Variants in STXBP4 observed in about 807,000 individuals in gnomAD.
The protein encoded by STXBP4 is syntaxin-binding protein 4.
STXBP4 carries 55 observed loss-of-function variants against 76.1 expected under a neutral mutation model. The observed-to-expected ratio is 0.72, with a 90% CI of 0.58 to 0.91. STXBP4 has a LOEUF of 0.91. Among genes scored for constraint, STXBP4 ranks in the 40% least tolerant of loss-of-function variants. The probability of loss-of-function intolerance (pLI) is 0.00; values close to 1 mark genes in which losing one functional copy is unlikely to be tolerated. For synonymous variants in STXBP4, 201 were observed against 220.2 expected (o/e 0.91, Z 0.77); for missense variants, 618 against 636.9 (o/e 0.97, Z 0.32).
chr17:55,127,913 G>C (rs1317824996), intron 16 of STXBP4, among the ~76,000 whole-genome samples: 2 of 152,052 alleles, frequency 1.3e-5, no homozygotes, highest in African/African-American at 4.8e-5. Flanking sequence ...GTTTCATTAT[G>C]TATGTTCATT....
At chr17:55,158,269 A>G (rs764999834) in intron 17 of STXBP4, among the ~76,000 whole-genome samples, 22 of 152,192 alleles carry the variant, frequency 1.4e-4, no homozygotes, top group Non-Finnish European at 2.4e-4. Flanking sequence ...TCTCGGGAAC[A>G]TACTTTGGAA....
chr17:55,198,096 G>A, the STXBP4 span, among the ~76,000 whole-genome samples: 13 of 152,168 alleles, frequency 8.5e-5, no homozygotes, highest in Admixed American at 2.0e-4. Flanking sequence ...GTTTCTCATT[G>A]GCCACTTGGC....
chr17:55,126,255 C>T (rs1380428473), intron 16 of STXBP4, among the ~76,000 whole-genome samples: 1 of 152,074 alleles, frequency 6.6e-6, no homozygotes, highest in Non-Finnish European at 1.5e-5. Context: ...AGACAGTCAA[C>T]AGATGCCAAC....
chr17:55,144,004 TGC>T (rs1491399301), intron 17 of STXBP4, among the ~76,000 whole-genome samples: 2 of 98,712 alleles, frequency 2.0e-5, no homozygotes, highest in Non-Finnish European at 4.5e-5. Flanking sequence ...CAAAGCCACC[TGC>T]ACACACACAC....
intron 16 of STXBP4, among the ~76,000 whole-genome samples, chr17:55,114,715 T>C (rs1160269891): frequency 6.6e-6 from 1 of 151,940 alleles, no homozygotes; most frequent in Non-Finnish European, 1.5e-5. Flanking sequence ...TTAAAGTCAT[T>C]GTCAAGTAGC....
intron 16 of STXBP4, among the ~76,000 whole-genome samples, chr17:55,089,923 A>T (rs1005584795): frequency 2.6e-5 from 4 of 152,126 alleles, no homozygotes; most frequent in African/African-American, 9.7e-5. Context: ...TAGGGCAAAA[A>T]TCTTCAAAAG....
At chr17:55,075,750 C>T (rs1274828385) in intron 13 of STXBP4, among the ~76,000 whole-genome samples, 1 of 152,036 alleles carries the variant, frequency 6.6e-6, no homozygotes, top group Non-Finnish European at 1.5e-5. Context: ...ATTTGAATTT[C>T]CCTGGTTACT....
rs1052820581 is a variant in STXBP4 at position 55,141,202 on chromosome 17, A to G, written c.1490-108A>G. The G allele has an allele frequency of 7.8e-6, 7 of 896,006 alleles. No homozygotes were observed. The Middle Eastern group carries it at 1.1e-3, about 137-fold the overall frequency. 55.5% of individuals were successfully genotyped at this position (896,006 alleles called of 1,614,324 possible). On this transcript the variant is annotated intron_variant, in intron 16 of 17. Transcript: ENST00000376352. ...CCCCCTTTCTAGAAAATTATTTTGT[A>G]TAAGAAATGTGCTCAAATAATTGTA...
chr17:55,208,422 T>A, the STXBP4 span, among the ~76,000 whole-genome samples: 2 of 152,146 alleles, frequency 1.3e-5, no homozygotes, highest in African/African-American at 4.8e-5. Context: ...ATCATTCAAA[T>A]CAGGACACTT....
At chr17:55,018,713 CA>C (rs1207587021) in intron 8 of STXBP4, among the ~76,000 whole-genome samples, 1 of 151,592 alleles carries the variant, frequency 6.6e-6, no homozygotes, top group East Asian at 1.9e-4. Context: ...GTTTTGGGGG[CA>C]GGGGGTGGAT....
intron 16 of STXBP4, among the ~76,000 whole-genome samples, chr17:55,136,658 C>A (rs1307866045): frequency 2.0e-5 from 3 of 152,000 alleles, no homozygotes; most frequent in African/African-American, 7.2e-5. Flanking sequence ...TGAAACTGAG[C>A]AAATGTTGCA....
chr17:55,096,629 G>C (rs904100859), intron 16 of STXBP4, among the ~76,000 whole-genome samples: 1 of 147,248 alleles, frequency 6.8e-6, no homozygotes, highest in African/African-American at 2.5e-5. Context: ...TTTTTTTTAA[G>C]AATAAGCATT....
At chr17:55,204,194 T>A in the STXBP4 span, among the ~76,000 whole-genome samples, 1 of 152,082 alleles carries the variant, frequency 6.6e-6, no homozygotes, top group African/African-American at 2.4e-5. Flanking sequence ...ACTAATTGTC[T>A]CTTTAGCTGT....
At chr17:55,090,775 G>A (rs999310714) in intron 16 of STXBP4, among the ~76,000 whole-genome samples, 10 of 151,920 alleles carry the variant, frequency 6.6e-5, no homozygotes, top group African/African-American at 2.4e-4. Context: ...CAAGATAGAA[G>A]AGGGATCTCA....
At chr17:55,111,621 T>C (rs1205475865) in intron 16 of STXBP4, among the ~76,000 whole-genome samples, 4 of 152,156 alleles carry the variant, frequency 2.6e-5, no homozygotes, top group Non-Finnish European at 5.9e-5. Context: ...CCCAACCTTA[T>C]TCATGGGCTG....
At chr17:55,049,291 T>G (rs2078829845) in intron 12 of STXBP4, among the ~76,000 whole-genome samples, 1 of 151,886 alleles carries the variant, frequency 6.6e-6, no homozygotes, top group South Asian at 2.1e-4. Context: ...TAAAATAACT[T>G]TGGAAAATGT....
At chr17:55,177,091 G>C (rs73992660), downstream of STXBP4, among the ~76,000 whole-genome samples, 715 of 152,122 alleles carry the variant, frequency 4.7e-3, 11 homozygotes, top group African/African-American at 0.016. Flanking sequence ...CTTAGCCTCT[G>C]TCATCACACA....
chr17:55,205,950 C>A, the STXBP4 span, among the ~76,000 whole-genome samples: 3 of 151,436 alleles, frequency 2.0e-5, no homozygotes, highest in African/African-American at 7.3e-5. Flanking sequence ...TTGGAAATTA[C>A]CTAAATGTCC....
chr17:55,211,488 C>T, the STXBP4 span, among the ~76,000 whole-genome samples: 5 of 152,202 alleles, frequency 3.3e-5, no homozygotes, highest in South Asian at 1.0e-3. Flanking sequence ...ATTCTCTTTC[C>T]TGTTATTTGT....
Sources: gnomAD v4.1 joint callset for allele counts (sites outside exome capture counted in the v4.1 genomes callset) on GRCh38, gnomAD v4.1.1 for gene constraint, MANE v1.5 for transcripts, NCBI Gene and HGNC (gene_info 2026-07-23, HGNC 2026-07-21) for gene names.